PTPRD: variants seen among roughly 807,000 people sequenced by gnomAD.
PTPRD encodes receptor-type tyrosine-protein phosphatase delta.
PTPRD carries 34 observed loss-of-function variants against 214.5 expected under a neutral mutation model. The ratio of observed to expected loss-of-function variants is 0.16; its 90% confidence interval spans 0.12 to 0.21. The LOEUF is 0.21. Among genes scored for constraint, PTPRD ranks in the 10% least tolerant of loss-of-function variants. PTPRD has a pLI of 1.00. For missense variants in PTPRD, 2,545 were observed against 2,398.7 expected (o/e 1.06, Z -1.27); for synonymous variants, 1,128 against 845.7 (o/e 1.33, Z -5.79).
chr9:8,516,424 A>G (rs1199969469), intron 21 of PTPRD, among the ~76,000 whole-genome samples: 4 of 152,208 alleles, frequency 2.6e-5, no homozygotes, highest in Non-Finnish European at 4.4e-5. Flanking sequence ...GAACCAAATA[A>G]TGGTATGAAA....
rs116286677 is a variant in PTPRD, at chr9:9,496,516, A to G, written c.-237+78216T>C. Among the ~76,000 whole-genome samples, 309 of 152,282 alleles carry G rather than the reference A, an allele frequency of 2.0e-3. 1 individual carries two copies. The highest frequency in any genetic ancestry group is 6.9e-3 in the African/African-American group (287 of 41,560). ...TAGAAAAAGGCAAACCCAAACTACA[A>G]TGAGATATGGTAACACACCCATAAG... On this transcript the variant is annotated intron_variant, in intron 8 of 45. Transcript: ENST00000381196.
intron 11 of PTPRD, among the ~76,000 whole-genome samples, chr9:8,843,247 C>CA (rs1406841168): frequency 2.6e-5 from 4 of 152,302 alleles, no homozygotes; most frequent in Middle Eastern, 3.4e-3. Context: ...CGGGCTGGTA[C>CA]AAAATCAAAG....
At chr9:10,485,967 T>C (rs191805798) in intron 2 of PTPRD, among the ~76,000 whole-genome samples, 9 of 152,272 alleles carry the variant, frequency 5.9e-5, no homozygotes, top group East Asian at 3.9e-4. Context: ...CATATGCTCA[T>C]TGGCTGCATA....
chr9:8,337,871 C>T (rs1379086443), intron 43 of PTPRD, among the ~76,000 whole-genome samples: 1 of 151,164 alleles, frequency 6.6e-6, no homozygotes, highest in African/African-American at 2.4e-5. Flanking sequence ...TGAAAGAGCA[C>T]TATTTTTTTT....
intron 43 of PTPRD, among the ~76,000 whole-genome samples, chr9:8,332,985 T>TCA (rs1842971642): frequency 6.6e-6 from 1 of 152,182 alleles, no homozygotes; most frequent in Non-Finnish European, 1.5e-5. Context: ...CAATCCTTTA[T>TCA]CATTCACTCA....
intron 3 of PTPRD, among the ~76,000 whole-genome samples, chr9:10,191,112 ACAT>A (rs1374011069): frequency 3.3e-5 from 5 of 152,180 alleles, no homozygotes; most frequent in African/African-American, 1.2e-4. Flanking sequence ...ACTGTTAATA[ACAT>A]CAGGCTGAAA....
intron 5 of PTPRD, among the ~76,000 whole-genome samples, chr9:9,845,974 C>T (rs957983571): frequency 1.3e-5 from 2 of 152,012 alleles, no homozygotes; most frequent in Non-Finnish European, 2.9e-5. Context: ...TCTTCATTAC[C>T]AACAACTGGG....
In PTPRD at chr9:8,486,010, T is replaced by C. The variant is rs1484916335; in HGVS notation, c.2807A>G (p.Gln936Arg). 8 of 1,614,070 alleles carry C rather than the reference T, an allele frequency of 5.0e-6. No homozygotes were observed. The Admixed American group carries it at 6.7e-5, about 13-fold the overall frequency. The change falls in exon 28 of 46, where the codon CAG becomes CGG. Residue 936 changes from glutamine (Q) to arginine (R), a missense_variant. Transcript: ENST00000381196. ...HSEGTTSTSV[Q>R]LSWQPPVLAE... is the part of the protein sequence containing the mutation. ...CAGGACAGGTGGTTGCCAAGATAACTGGACGGAGGTTGAAGTGGTGCCTTC... is the reference window on the plus strand; with the variant it reads ...CAGGACAGGTGGTTGCCAAGATAACCGGACGGAGGTTGAAGTGGTGCCTTC...
Position 8,726,283 on chromosome 9 carries a change from G to C in PTPRD, c.64+7497C>G, listed in dbSNP as rs188170308. On this transcript the variant is annotated intron_variant, in intron 12 of 45. Coordinates refer to ENST00000381196, the MANE Select transcript of PTPRD (RefSeq NM_002839.4). ...GGGATGGGGCTCCCAACCAAGTCAA[G>C]GTTACTTGAAATGGGTCAGGTACAG... 2.2e-3 allele frequency among the ~76,000 whole-genome samples: 328 copies of C among 151,794 alleles called. 2 individuals are homozygous for C. Among genetic ancestry groups the C allele is most frequent in the Middle Eastern group, 0.014 (4 of 292 alleles).
At chr9:9,666,324 A>G (rs1333173127) in intron 7 of PTPRD, among the ~76,000 whole-genome samples, 3 of 151,980 alleles carry the variant, frequency 2.0e-5, no homozygotes, top group African/African-American at 7.2e-5. Flanking sequence ...TGTCTATGAT[A>G]TATTGTTTAT....
At chr9:9,541,211 A>G (rs577737307) in intron 8 of PTPRD, among the ~76,000 whole-genome samples, 4 of 151,926 alleles carry the variant, frequency 2.6e-5, no homozygotes, top group Non-Finnish European at 4.4e-5. Context: ...GAAGTGTTAT[A>G]TAAGTGGAGC....
intron 7 of PTPRD, among the ~76,000 whole-genome samples, chr9:9,678,328 G>T (rs1487776888): frequency 6.6e-6 from 1 of 151,900 alleles, no homozygotes; most frequent in African/African-American, 2.4e-5. Context: ...ATACTACAAG[G>T]CTACAGTAAC....
chr9:9,772,646 C>T (rs1294972858), intron 5 of PTPRD, among the ~76,000 whole-genome samples: 1 of 151,996 alleles, frequency 6.6e-6, no homozygotes, highest in Non-Finnish European at 1.5e-5. Context: ...CTGAGAATAG[C>T]TTAGTATATA....
intron 11 of PTPRD, among the ~76,000 whole-genome samples, chr9:8,948,685 A>C (rs1216160282): frequency 6.9e-6 from 1 of 145,430 alleles, no homozygotes; most frequent in East Asian, 2.1e-4. Flanking sequence ...TTAAGTTATA[A>C]AATATGATAT....
chr9:9,156,002 G>C (rs905169805), intron 10 of PTPRD, among the ~76,000 whole-genome samples: 4 of 152,034 alleles, frequency 2.6e-5, no homozygotes, highest in African/African-American at 9.7e-5. Flanking sequence ...CTTACTAATA[G>C]GCTATAACAG....
intron 7 of PTPRD, among the ~76,000 whole-genome samples, chr9:9,718,131 A>G (rs2097865046): frequency 6.6e-6 from 1 of 152,348 alleles, no homozygotes; most frequent in South Asian, 2.1e-4. Context: ...TTATCAAGAA[A>G]TAGACACAAA....
intron 5 of PTPRD, among the ~76,000 whole-genome samples, chr9:9,833,748 G>A (rs1274067170): frequency 2.0e-5 from 3 of 151,362 alleles, no homozygotes; most frequent in Non-Finnish European, 4.4e-5. Flanking sequence ...TCCATGCTGA[G>A]AAAAAGAATT....
chr9:9,318,098 G>C (rs1383633075), intron 9 of PTPRD, among the ~76,000 whole-genome samples: 3 of 151,922 alleles, frequency 2.0e-5, no homozygotes, highest in African/African-American at 7.3e-5. Context: ...TTGAACCAGG[G>C]ATGCGGAGGT....
intron 8 of PTPRD, among the ~76,000 whole-genome samples, chr9:9,508,263 G>T (rs563441773): frequency 4.7e-4 from 71 of 151,438 alleles, no homozygotes; most frequent in Non-Finnish European, 8.9e-4. Context: ...TACAAGAAGC[G>T]CTCCAGTGGC....
Sources: allele counts gnomAD v4.1 joint callset (sites outside exome capture counted in the v4.1 genomes callset), GRCh38; gene constraint gnomAD v4.1.1; transcripts MANE v1.5; gene names NCBI Gene and HGNC (gene_info 2026-07-23, HGNC 2026-07-21).